Variants in RABGAP1L observed in about 807,000 individuals in gnomAD.
The protein encoded by RABGAP1L is rab GTPase-activating protein 1-like.
RABGAP1L carries 63 observed loss-of-function variants against 137.7 expected under a neutral mutation model. The observed-to-expected ratio is 0.46, with a 90% CI of 0.37 to 0.56. The LOEUF (loss-of-function observed/expected upper bound fraction) is 0.56. Ranked by LOEUF, RABGAP1L falls within the 20% of genes least tolerant of loss-of-function variation. RABGAP1L has a pLI of 0.00. For missense variants in RABGAP1L, 1,095 were observed against 1,244.0 expected (o/e 0.88, Z 1.80); for synonymous variants, 431 against 433.7 (o/e 0.99, Z 0.08).
At chr1:174,641,626 T>G (rs1195298182) in intron 14 of RABGAP1L, among the ~76,000 whole-genome samples, 1 of 152,192 alleles carries the variant, frequency 6.6e-6, no homozygotes, top group Admixed American at 6.5e-5. Context: ...GCATTTTTAT[T>G]ATTTAACATG....
In RABGAP1L at chr1:174,182,238, A is replaced by G. The variant is rs115021354; in HGVS notation, c.-34+22581A>G. Among the ~76,000 whole-genome samples the G allele has an allele frequency of 2.3e-3, 353 of 150,690 alleles. 1 individual carries two copies. Among genetic ancestry groups the G allele is most frequent in the African/African-American group, 7.9e-3 (326 of 41,244 alleles). On this transcript the variant is annotated intron_variant, in intron 1 of 25. Transcript: ENST00000681986. ...GGAAGAAACTGAGGAGATTCGGGGA[A>G]AAAAAAATGAAATATGCATTAAGGA...
intron 1 of RABGAP1L, among the ~76,000 whole-genome samples, chr1:174,196,491 TG>T (rs1316472496): frequency 6.6e-6 from 1 of 152,106 alleles, no homozygotes; most frequent in Non-Finnish European, 1.5e-5. Context: ...CCCGAAGTGC[TG>T]GGATTACAGG....
At chr1:174,517,401 G>A (rs1662964171) in intron 13 of RABGAP1L, among the ~76,000 whole-genome samples, 1 of 152,026 alleles carries the variant, frequency 6.6e-6, no homozygotes, top group South Asian at 2.1e-4. Flanking sequence ...ATCTTTAAGA[G>A]AGCTAGAGAT....
At chr1:174,550,844 C>T (rs1277958321) in intron 13 of RABGAP1L, among the ~76,000 whole-genome samples, 2 of 116,712 alleles carry the variant, frequency 1.7e-5, no homozygotes, top group Non-Finnish European at 3.4e-5. Context: ...ACGGTGAAAC[C>T]CCGTCTCTGC....
In RABGAP1L at chr1:174,242,341, T is replaced by C. The variant is rs974734423; in HGVS notation, c.717+684T>C. Among the ~76,000 whole-genome samples, 17 of 152,332 alleles carry C rather than the reference T, an allele frequency of 1.1e-4. No individual in the cohort carries two copies. In the East Asian group the frequency reaches 3.3e-3, roughly 29 times the overall value. On this transcript the variant is annotated intron_variant, in intron 5 of 25. Coordinates refer to ENST00000681986, the MANE Select transcript of RABGAP1L (RefSeq NM_001366446.1). ...AATCTTTTCTACATCTATTGAATTATCCCCAATTTTAAAATGTTGCACTGT... is the reference window on the plus strand; with the variant it reads ...AATCTTTTCTACATCTATTGAATTACCCCCAATTTTAAAATGTTGCACTGT...
At chr1:174,706,700 T>G (rs1480309436) in intron 17 of RABGAP1L, among the ~76,000 whole-genome samples, 1 of 152,188 alleles carries the variant, frequency 6.6e-6, no homozygotes, top group Non-Finnish European at 1.5e-5. Context: ...GAACATTATC[T>G]GCATTTCAGA....
chr1:174,466,977 T>G lies in RABGAP1L; in HGVS notation c.1710+72832T>G, dbSNP rs535379169. ...GAAATAATGATATATAAATCATCCC[T>G]CACAATGTCTGGCATATAGAAAAGT... On this transcript the variant is annotated intron_variant, in intron 13 of 25. Coordinates refer to ENST00000681986, the MANE Select transcript of RABGAP1L (RefSeq NM_001366446.1). Among the ~76,000 whole-genome samples, 5 of 152,314 alleles carry G rather than the reference T, an allele frequency of 3.3e-5. No homozygotes were observed. In the East Asian group the frequency reaches 7.7e-4, roughly 24 times the overall value.
chr1:174,633,001 G>GT (rs1291057944), intron 13 of RABGAP1L, among the ~76,000 whole-genome samples: 1 of 152,034 alleles, frequency 6.6e-6, no homozygotes, highest in African/African-American at 2.4e-5. Context: ...TTTCTGTTCT[G>GT]TTTTTTCCCC....
chr1:174,955,574 A>G (rs1668390446), intron 19 of RABGAP1L, among the ~76,000 whole-genome samples: 1 of 152,084 alleles, frequency 6.6e-6, no homozygotes, highest in Non-Finnish European at 1.5e-5. Flanking sequence ...TTGCTCTCTC[A>G]CTCATATGTA....
At chr1:174,507,653 C>T (rs1318581576) in intron 13 of RABGAP1L, among the ~76,000 whole-genome samples, 2 of 152,008 alleles carry the variant, frequency 1.3e-5, no homozygotes, top group South Asian at 2.1e-4. Context: ...GATTTACTAT[C>T]TTGTCACACT....
intron 13 of RABGAP1L, among the ~76,000 whole-genome samples, chr1:174,521,361 A>T (rs1424559036): frequency 6.6e-6 from 1 of 152,192 alleles, no homozygotes; most frequent in Non-Finnish European, 1.5e-5. Context: ...TCATTTTTTC[A>T]ATGGCTTATA....
intron 1 of RABGAP1L, among the ~76,000 whole-genome samples, chr1:174,165,381 C>A (rs1371606080): frequency 6.6e-6 from 1 of 152,118 alleles, no homozygotes; most frequent in Non-Finnish European, 1.5e-5. Context: ...AACTTCTGAC[C>A]TCAGGTGATC....
intron 19 of RABGAP1L, among the ~76,000 whole-genome samples, chr1:174,893,354 A>T (rs964811833): frequency 6.6e-6 from 1 of 152,186 alleles, no homozygotes; most frequent in Non-Finnish European, 1.5e-5. Flanking sequence ...ATGTTTAATT[A>T]TGTGGGGTGA....
intron 1 of RABGAP1L, among the ~76,000 whole-genome samples, chr1:174,189,003 C>T (rs148105733): frequency 2.0e-5 from 3 of 152,172 alleles, no homozygotes; most frequent in African/African-American, 7.2e-5. Context: ...TCTTAGATAG[C>T]ATTTATTTAT....
At chr1:174,398,068 C>T (rs1312628351) in intron 13 of RABGAP1L, among the ~76,000 whole-genome samples, 1 of 152,150 alleles carries the variant, frequency 6.6e-6, no homozygotes, top group Non-Finnish European at 1.5e-5. Context: ...TTTGAAGCTT[C>T]CATCATTCTC....
At chr1:174,899,149 C>T (rs928002894) in intron 19 of RABGAP1L, among the ~76,000 whole-genome samples, 1 of 152,030 alleles carries the variant, frequency 6.6e-6, no homozygotes, top group Non-Finnish European at 1.5e-5. Flanking sequence ...ATATATTCAG[C>T]CTCAGAGATG....
At chr1:174,871,323 G>T (rs1018321879) in intron 19 of RABGAP1L, among the ~76,000 whole-genome samples, 2 of 151,902 alleles carry the variant, frequency 1.3e-5, no homozygotes, top group Admixed American at 1.3e-4. Context: ...TAGTAGGGAC[G>T]GGGTTTCACC....
At chr1:174,629,644 T>C (rs1413680187) in intron 13 of RABGAP1L, among the ~76,000 whole-genome samples, 7 of 152,124 alleles carry the variant, frequency 4.6e-5, no homozygotes, top group Non-Finnish European at 1.0e-4. Context: ...TGCCTCAGCC[T>C]CCTGAGTAGC....
intron 13 of RABGAP1L, among the ~76,000 whole-genome samples, chr1:174,565,112 G>A (rs1022737902): frequency 6.6e-6 from 1 of 152,136 alleles, no homozygotes; most frequent in Non-Finnish European, 1.5e-5. Flanking sequence ...TGAGGGATTC[G>A]TGGTTTAATA....
Sources: allele counts gnomAD v4.1 joint callset (sites outside exome capture counted in the v4.1 genomes callset), GRCh38; gene constraint gnomAD v4.1.1; transcripts MANE v1.5; gene names NCBI Gene and HGNC (gene_info 2026-07-23, HGNC 2026-07-21).